Variants in ASIC2 observed in about 807,000 individuals in gnomAD.
ASIC2 encodes acid sensing ion channel subunit 2.
A neutral mutation model predicts 57.3 loss-of-function variants in ASIC2; 25 were observed. That is an observed-to-expected ratio of 0.44 (90% CI 0.32 to 0.61). The LOEUF is 0.61. Ranked by LOEUF, ASIC2 falls within the 20% of genes least tolerant of loss-of-function variation. ASIC2 has a pLI of 0.06. For missense variants in ASIC2, 641 were observed against 738.1 expected, an observed-to-expected ratio of 0.87 and a Z score of 1.52; for synonymous variants, 319 against 307.5, an observed-to-expected ratio of 1.04 and a Z score of -0.39.
chr17:33,733,526 T>G (rs1909812250), intron 1 of ASIC2, among the ~76,000 whole-genome samples: 1 of 152,210 alleles, frequency 6.6e-6, no homozygotes, highest in African/African-American at 2.4e-5. Flanking sequence ...CTCAATCATG[T>G]GCATACATTC....
chr17:33,763,643 G>C (rs879931226), intron 1 of ASIC2, among the ~76,000 whole-genome samples: 1 of 152,200 alleles, frequency 6.6e-6, no homozygotes, highest in Non-Finnish European at 1.5e-5. Context: ...CTGTGCAGAA[G>C]TTTTAGGAGC....
intron 1 of ASIC2, among the ~76,000 whole-genome samples, chr17:34,095,654 T>A (rs1411906026): frequency 9.7e-5 from 9 of 92,998 alleles, no homozygotes; most frequent in East Asian, 2.4e-4. Context: ...TATATATATA[T>A]AATTTTATAT....
intron 1 of ASIC2, among the ~76,000 whole-genome samples, chr17:33,483,996 G>A (rs2141929054): frequency 6.6e-6 from 1 of 152,298 alleles, no homozygotes; most frequent in Admixed American, 6.5e-5. Flanking sequence ...AGAGATGAGA[G>A]ACAGGAGTGA....
intron 1 of ASIC2, among the ~76,000 whole-genome samples, chr17:34,122,350 C>T (rs1274634277): frequency 6.6e-6 from 1 of 152,148 alleles, no homozygotes; most frequent in Non-Finnish European, 1.5e-5. Context: ...GCCGACTCCA[C>T]CACACTACCA....
At chr17:33,252,939 G>T (rs752291948) in intron 1 of ASIC2, among the ~76,000 whole-genome samples, 21 of 152,082 alleles carry the variant, frequency 1.4e-4, no homozygotes, top group Non-Finnish European at 2.6e-4. Flanking sequence ...GTTCTTGTGG[G>T]TAGAACCCAG....
chr17:33,589,331 A>G (rs1268952080), intron 1 of ASIC2, among the ~76,000 whole-genome samples: 1 of 152,174 alleles, frequency 6.6e-6, no homozygotes, highest in Non-Finnish European at 1.5e-5. Flanking sequence ...AACTGAAATT[A>G]TTTCTTATTT....
chr17:33,096,927 G>A (rs539680349), intron 2 of ASIC2, among the ~76,000 whole-genome samples: 1 of 152,316 alleles, frequency 6.6e-6, no homozygotes, highest in East Asian at 1.9e-4. Context: ...CAGAGTGGCA[G>A]GGACAAGGTC....
intron 1 of ASIC2, among the ~76,000 whole-genome samples, chr17:33,518,631 G>A (rs971694031): frequency 1.3e-5 from 2 of 152,170 alleles, no homozygotes; most frequent in Non-Finnish European, 2.9e-5. Flanking sequence ...AAAAACAATA[G>A]CACCTTCATT....
chr17:33,244,483 A>C (rs918093828), intron 1 of ASIC2, among the ~76,000 whole-genome samples: 4 of 152,252 alleles, frequency 2.6e-5, no homozygotes, highest in African/African-American at 9.6e-5. Context: ...AATATGCATT[A>C]GATATAACTT....
intron 1 of ASIC2, among the ~76,000 whole-genome samples, chr17:33,343,920 G>A (rs1472490908): frequency 6.6e-6 from 1 of 152,182 alleles, no homozygotes; most frequent in Non-Finnish European, 1.5e-5. Context: ...CGTCTACCTG[G>A]ACCGCCCTGT....
At chr17:33,163,574 C>T (rs1408137479) in intron 1 of ASIC2, among the ~76,000 whole-genome samples, 1 of 152,136 alleles carries the variant, frequency 6.6e-6, no homozygotes, top group African/African-American at 2.4e-5. Context: ...GATTTCCAGA[C>T]ACGCTGTCAC....
chr17:33,407,584 AGAAAAGAG>A (rs1910513792), intron 1 of ASIC2, among the ~76,000 whole-genome samples: 1 of 152,240 alleles, frequency 6.6e-6, no homozygotes, highest in Non-Finnish European at 1.5e-5. Flanking sequence ...CAAGTGATAG[AGAAAAGAG>A]GAAAAGTTCT....
At chr17:33,230,467 C>T (rs1213855938) in intron 1 of ASIC2, among the ~76,000 whole-genome samples, 1 of 152,234 alleles carries the variant, frequency 6.6e-6, no homozygotes, top group Non-Finnish European at 1.5e-5. Context: ...TCACTGCTCA[C>T]TCTGGCTGCA....
intron 1 of ASIC2, among the ~76,000 whole-genome samples, chr17:33,322,611 C>T (rs1480715434): frequency 1.3e-5 from 2 of 152,184 alleles, no homozygotes; most frequent in African/African-American, 2.4e-5. Context: ...CTACCTTGAG[C>T]TGTATACAGA....
chr17:33,069,379 T>C (rs1005621560), intron 3 of ASIC2, among the ~76,000 whole-genome samples: 1 of 152,228 alleles, frequency 6.6e-6, no homozygotes, highest in Non-Finnish European at 1.5e-5. Flanking sequence ...TCAAATCTTC[T>C]ATATCCTTGC....
intron 1 of ASIC2, among the ~76,000 whole-genome samples, chr17:33,346,861 G>T (rs912773955): frequency 4.6e-5 from 7 of 152,148 alleles, no homozygotes; most frequent in Non-Finnish European, 8.8e-5. Context: ...AGTGAAGTGG[G>T]GATGAGACCT....
At chr17:33,337,931 T>TA (rs1907580329) in intron 1 of ASIC2, among the ~76,000 whole-genome samples, 1 of 149,846 alleles carries the variant, frequency 6.7e-6, no homozygotes, top group African/African-American at 2.5e-5. Flanking sequence ...AAGGTGGAAG[T>TA]GTTCCTTCTG....
intron 1 of ASIC2, among the ~76,000 whole-genome samples, chr17:33,373,132 A>G (rs1909143869): frequency 6.6e-6 from 1 of 152,218 alleles, no homozygotes; most frequent in Non-Finnish European, 1.5e-5. Context: ...AAGAGAACCC[A>G]GGAGGAAGGA....
intron 1 of ASIC2, among the ~76,000 whole-genome samples, chr17:33,494,821 G>A (rs1287265408): frequency 6.6e-6 from 1 of 152,150 alleles, no homozygotes; most frequent in African/African-American, 2.4e-5. Flanking sequence ...CATGAGCTCT[G>A]CAGGTTAGAT....
Sources: allele counts gnomAD v4.1 joint callset (sites outside exome capture counted in the v4.1 genomes callset), GRCh38; gene constraint gnomAD v4.1.1; transcripts MANE v1.5; gene names NCBI Gene and HGNC (gene_info 2026-07-23, HGNC 2026-07-21).